ADCY10: variants seen among roughly 807,000 people sequenced by gnomAD.
ADCY10 encodes the protein adenylate cyclase 10.
A neutral mutation model predicts 183.3 loss-of-function variants in ADCY10; 156 were observed. The ratio of observed to expected loss-of-function variants is 0.85; its 90% CI spans 0.75 to 0.97. The LOEUF (loss-of-function observed/expected upper bound fraction) is 0.97. Among genes scored for constraint, ADCY10 ranks in the 50% least tolerant of loss-of-function variants. ADCY10 has a pLI of 0.00. For synonymous variants in ADCY10, 645 were observed against 670.0 expected (o/e 0.96, Z 0.58); for missense variants, 1,745 against 1,934.3 (o/e 0.90, Z 1.84).
intron 9 of ADCY10, among the ~76,000 whole-genome samples, chr1:167,881,269 G>A (rs559377559): frequency 6.9e-4 from 105 of 152,304 alleles, no homozygotes; most frequent in African/African-American, 2.5e-3. Flanking sequence ...TGTAGTATTA[G>A]TCACTTAAAA....
rs896810492 is a variant in ADCY10 at position 167,848,369 on chromosome 1, G to A, written c.2429C>T (p.Ser810Leu). ...VRLKNLSPPT[S>L]LKEISLIQLD... is the part of the protein sequence containing the mutation. ...CGGCCAGATTTTCTTACCTTTTAATGACGTTGGAGGTGACAGGTTTTTCAG... is the reference window on the plus strand; with the variant it reads ...CGGCCAGATTTTCTTACCTTTTAATAACGTTGGAGGTGACAGGTTTTTCAG... The change falls in exon 19 of 33, where the codon TCA (serine) becomes TTA (leucine). Residue 810 changes from serine (S) to leucine (L), a missense_variant. Ser to Leu is a moderately radical substitution (Grantham distance 145). Coordinates refer to ENST00000367851, the MANE Select transcript of ADCY10 (RefSeq NM_018417.6). The A allele has an allele frequency of 6.2e-7, 1 of 1,613,454 alleles. No individual in the cohort carries two copies. The highest frequency in any genetic ancestry group is 1.3e-5 in the African/African-American group (1 of 74,870).
At chr1:167,843,609 A>T (rs1006135965) in intron 21 of ADCY10, among the ~76,000 whole-genome samples, 2 of 151,770 alleles carry the variant, frequency 1.3e-5, no homozygotes, top group Admixed American at 1.3e-4. Flanking sequence ...TACCCTCCCA[A>T]GGGCACCCTG....
intron 10 of ADCY10, 89 bp downstream of exon 10, chr1:167,880,399 ATTC>A (rs1420868804): frequency 5.6e-6 from 6 of 1,072,176 alleles, no homozygotes; most frequent in African/African-American, 3.1e-5. Context: ...TTCTTAATTA[ATTC>A]TTCTTTCTTT....
rs1232703509 is a variant in ADCY10 at position 167,870,385 on chromosome 1, G to A, written c.1488C>T (p.Phe496=). Residue 496 remains phenylalanine (F), a synonymous_variant, in exon 14 of 33, where the codon TTC becomes TTT. Coordinates refer to ENST00000367851, the MANE Select transcript of ADCY10 (RefSeq NM_018417.6). ...TCAAAAATTTCTTCATAGTATACAT[G>A]AAGTAGTTGATCTCTTTATTACGTC... ...LLGRNKEINY[F]MYTMKKFLIS... 2 of 1,611,054 alleles carry A rather than the reference G, an allele frequency of 1.2e-6. No individual in the cohort carries two copies. The highest frequency in any genetic ancestry group is 1.7e-6 in the Non-Finnish European group (2 of 1,177,410).
intron 21 of ADCY10, among the ~76,000 whole-genome samples, chr1:167,840,229 C>T (rs899507578): frequency 7.2e-5 from 10 of 138,944 alleles, no homozygotes; most frequent in Non-Finnish European, 1.2e-4. Context: ...AAGACCCTGT[C>T]TCAAAAAAAA....
chr1:167,894,388 C>T (rs113424619), intron 7 of ADCY10, among the ~76,000 whole-genome samples: 124 of 152,198 alleles, frequency 8.1e-4, no homozygotes, highest in African/African-American at 2.8e-3. Flanking sequence ...CACTGTGTGA[C>T]CCTGGAGAAG....
At chr1:167,823,907 T>G (rs554634572) in intron 28 of ADCY10, among the ~76,000 whole-genome samples, 1 of 152,342 alleles carries the variant, frequency 6.6e-6, no homozygotes, top group African/African-American at 2.4e-5. Context: ...TCCCTTTGTC[T>G]CCACCTGACA....
chr1:167,820,438 C>G lies in ADCY10; in HGVS notation c.4286+1586G>C, dbSNP rs142373041. On this transcript the variant is annotated intron_variant, in intron 30 of 32. Coordinates refer to ENST00000367851, the MANE Select transcript of ADCY10 (RefSeq NM_018417.6). ...GCCCTCCAGGTGATTTTTATGCCCA[C>G]TAAAGTCTGAGCAGCATTGGCCTAG... 3.6e-3 allele frequency: 1,824 copies of G among 509,624 alleles called. 27 individuals are homozygous for G. The highest frequency in any genetic ancestry group is 0.034 in the African/African-American group (1,656 of 49,260). 31.6% of individuals were successfully genotyped at this position (509,624 alleles called of 1,614,324 possible). A position where few individuals can be genotyped will look rare whatever the true frequency, so the allele number is the denominator to read the frequency against.
chr1:167,887,464 A>G (rs1164953659), intron 8 of ADCY10, among the ~76,000 whole-genome samples: 1 of 152,140 alleles, frequency 6.6e-6, no homozygotes, highest in Non-Finnish European at 1.5e-5. Flanking sequence ...CAAACACCAC[A>G]TGTTCTCACT....
intron 8 of ADCY10, among the ~76,000 whole-genome samples, 192 bp from the exon 9 acceptor site, chr1:167,883,820 G>A (rs1668036036): frequency 6.6e-6 from 1 of 152,142 alleles, no homozygotes; most frequent in Non-Finnish European, 1.5e-5. Flanking sequence ...TTCCAGTGGG[G>A]ACTTATGCAT....
At chr1:167,857,163 T>G (rs1665973805) in intron 16 of ADCY10, among the ~76,000 whole-genome samples, 2 of 152,234 alleles carry the variant, frequency 1.3e-5, no homozygotes, top group African/African-American at 4.8e-5. Context: ...GCCTTACCAC[T>G]GTGTAAGGTG....
At chr1:167,888,476 T>C (rs1668376464) in intron 8 of ADCY10, among the ~76,000 whole-genome samples, 1 of 152,156 alleles carries the variant, frequency 6.6e-6, no homozygotes, top group African/African-American at 2.4e-5. Context: ...TAGAGATCTT[T>C]CACTTCTTTG....
intron 21 of ADCY10, among the ~76,000 whole-genome samples, chr1:167,838,199 C>A (rs1055064269): frequency 1.3e-5 from 2 of 152,166 alleles, no homozygotes; most frequent in East Asian, 3.8e-4. Context: ...AGATAAGTAC[C>A]CCAACTCCTG....
chr1:167,851,054 C>T (rs909045047), intron 18 of ADCY10, among the ~76,000 whole-genome samples: 2 of 152,186 alleles, frequency 1.3e-5, no homozygotes, highest in African/African-American at 4.8e-5. Context: ...GCCCTATTTA[C>T]TATATCCTAG....
chr1:167,901,961 C>T (rs546938646), intron 4 of ADCY10, 55 bp downstream of exon 4: 1 of 1,609,742 alleles, frequency 6.2e-7, no homozygotes, highest in African/African-American at 1.3e-5. Context: ...AACACAGAAG[C>T]ACAGGCACCT....
Position 167,832,968 on chromosome 1 carries a change from C to T in ADCY10, c.3593+19G>A, listed in dbSNP as rs1317978165. 1 of 1,612,202 alleles carries T rather than the reference C, an allele frequency of 6.2e-7. No homozygotes were observed. The highest frequency in any genetic ancestry group is 1.7e-5 in the Admixed American group (1 of 60,012). On this transcript the variant is annotated intron_variant, in intron 25 of 32. Coordinates refer to ENST00000367851, the MANE Select transcript of ADCY10 (RefSeq NM_018417.6). ...GGAGTGAGACTAAACAGTCTGCTCT[C>T]CCCAGCTCCTTCCCTTACCCTGGAG...
At chr1:167,866,975 C>T (rs1666744393) in intron 14 of ADCY10, among the ~76,000 whole-genome samples, 1 of 152,166 alleles carries the variant, frequency 6.6e-6, no homozygotes, top group African/African-American at 2.4e-5. Context: ...CATAAAGTCC[C>T]CCCCATGCTG....
Position 167,901,186 on chromosome 1 carries a change from C to T in ADCY10, c.436+476G>A, listed in dbSNP as rs995435916. On this transcript the variant is annotated intron_variant, in intron 5 of 32. Transcript: ENST00000367851. ...ATATTATATGTATAACTTTAAGAAG[C>T]CTTGTGTAAAGCTGGAGCTGTGTTG... Among the ~76,000 whole-genome samples, 7 of 152,074 alleles carry T rather than the reference C, an allele frequency of 4.6e-5. No homozygotes were observed. The South Asian group carries it at 1.0e-3, about 23-fold the overall frequency.
chr1:167,909,554 T>G (rs1038510102), intron 1 of ADCY10, among the ~76,000 whole-genome samples: 10 of 147,484 alleles, frequency 6.8e-5, no homozygotes, highest in Non-Finnish European at 1.5e-4. Context: ...GATTTTTTTG[T>G]GATTTTTTTT....
Sources: gnomAD v4.1 joint callset for allele counts (sites outside exome capture counted in the v4.1 genomes callset) on GRCh38, gnomAD v4.1.1 for gene constraint, MANE v1.5 for transcripts, NCBI Gene and HGNC (gene_info 2026-07-23, HGNC 2026-07-21) for gene names.